TAF4B: variants seen among roughly 807,000 people sequenced by gnomAD.
TAF4B encodes transcription initiation factor TFIID subunit 4B.
TAF4B carries 38 observed loss-of-function variants against 86.4 expected under a neutral mutation model. The ratio of observed to expected loss-of-function variants is 0.44; its 90% CI spans 0.34 to 0.58. The LOEUF (loss-of-function observed/expected upper bound fraction) is 0.58, where lower values mean the gene tolerates loss of function less well. TAF4B is among the 20% of genes least tolerant of loss of function. The pLI, the probability that TAF4B is intolerant of heterozygous loss-of-function variation, is 0.02. For missense variants in TAF4B, 988 were observed against 1,027.6 expected (o/e 0.96, Z 0.53); for synonymous variants, 388 against 391.2 (o/e 0.99, Z 0.10).
chr18:26,351,597 C>CT (rs1352418563), intron 13 of TAF4B, among the ~76,000 whole-genome samples: 1 of 152,004 alleles, frequency 6.6e-6, no homozygotes, highest in Non-Finnish European at 1.5e-5. Context: ...TGCAACATCA[C>CT]TAAGTACCCA....
At chr18:26,267,645 T>A in intron 3 of TAF4B, 22 bp downstream of exon 3, 1 of 1,519,724 alleles carries the variant, frequency 6.6e-7, no homozygotes. Context: ...TGGCCATTCG[T>A]GCACTTGTTG....
rs770783086 is a variant in TAF4B at position 26,227,232 on chromosome 18, A to G, written c.299A>G (p.Asn100Ser). The change falls in exon 1 of 15, where the codon AAC (asparagine) becomes AGC (serine). Residue 100 changes from asparagine to serine, a missense_variant. Around this residue, in one of 3 missense-constraint regions of TAF4B, gnomAD observed 747 missense variants for 737.9 expected, o/e 1.01. Coordinates refer to ENST00000269142, the MANE Select transcript of TAF4B (RefSeq NM_005640.3). ...CAGATAGTCGCCGTGAAAGCCCCCAACACCACGACAATCCAGTTTCCTGCT... is the reference window on the plus strand; with the variant it reads ...CAGATAGTCGCCGTGAAAGCCCCCAGCACCACGACAATCCAGTTTCCTGCT... ...APQIVAVKAPNTTTIQFPANL... is the reference protein window; with the variant it reads ...APQIVAVKAPSTTTIQFPANL... The G allele has an allele frequency of 1.1e-5, 18 of 1,613,272 alleles. No individual in the cohort carries two copies. The highest frequency in any genetic ancestry group is 1.3e-5 in the African/African-American group (1 of 74,750).
intron 14 of TAF4B, among the ~76,000 whole-genome samples, chr18:26,377,335 G>A (rs1164238366): frequency 1.3e-5 from 2 of 152,114 alleles, no homozygotes; most frequent in Non-Finnish European, 2.9e-5. Flanking sequence ...TATTGATTAC[G>A]ATTCAATCTC....
At chr18:26,355,692 C>G (rs559277247) in intron 13 of TAF4B, among the ~76,000 whole-genome samples, 1 of 152,122 alleles carries the variant, frequency 6.6e-6, no homozygotes, top group South Asian at 2.1e-4. Flanking sequence ...GTTTAAAAAC[C>G]TTTTATTTGG....
chr18:26,278,616 GT>G (rs57064009), intron 5 of TAF4B, among the ~76,000 whole-genome samples: 128,925 of 140,476 alleles, frequency 0.92, 59,325 homozygotes, highest in East Asian at 0.98. Context: ...GCCTTCTGTT[GT>G]TTTTTTTTTT....
intron 14 of TAF4B, among the ~76,000 whole-genome samples, chr18:26,372,530 C>T (rs796847895): frequency 2.6e-5 from 4 of 152,178 alleles, no homozygotes; most frequent in African/African-American, 9.7e-5. Flanking sequence ...GCAAGGTTTG[C>T]ATTACACTCT....
chr18:26,240,543 G>C (rs1236727796), intron 1 of TAF4B, among the ~76,000 whole-genome samples: 1 of 152,298 alleles, frequency 6.6e-6, no homozygotes, highest in East Asian at 1.9e-4. Flanking sequence ...GGGACAATTT[G>C]ACTTCCTCTT....
chr18:26,367,171 G>A (rs1020316988), intron 14 of TAF4B, among the ~76,000 whole-genome samples: 3 of 152,194 alleles, frequency 2.0e-5, no homozygotes, highest in African/African-American at 4.8e-5. Flanking sequence ...ATATGTACAT[G>A]TATGTACAGG....
chr18:26,330,075 A>G (rs557085234), intron 12 of TAF4B, among the ~76,000 whole-genome samples: 3 of 152,298 alleles, frequency 2.0e-5, no homozygotes, highest in South Asian at 4.1e-4. Context: ...AGATGATACC[A>G]ATATCCAATT....
intron 13 of TAF4B, among the ~76,000 whole-genome samples, chr18:26,354,512 G>T (rs971286463): frequency 6.6e-6 from 1 of 152,192 alleles, no homozygotes; most frequent in African/African-American, 2.4e-5. Context: ...TATTCTAGCA[G>T]TCTTGAGTTT....
rs72151328 is a variant in TAF4B, at chr18:26,229,964, A to AAT, written c.343+2702_343+2703dup. On this transcript the variant is annotated intron_variant, in intron 1 of 14. Coordinates refer to ENST00000269142, the MANE Select transcript of TAF4B (RefSeq NM_005640.3). ...ATGAACAGAACTGGTTTAAAAAAAA[A>AAT]ATATATATATATATACACACACACA... Among the ~76,000 whole-genome samples, 738 of 149,554 alleles carry AAT rather than the reference A, an allele frequency of 4.9e-3. 2 individuals carry two copies. The highest frequency in any genetic ancestry group is 8.6e-3 in the Admixed American group (130 of 15,048).
chr18:26,314,255 A>G (rs148930871), intron 9 of TAF4B, among the ~76,000 whole-genome samples: 225 of 152,332 alleles, frequency 1.5e-3, no homozygotes, highest in African/African-American at 4.9e-3. Context: ...ATACATTGTC[A>G]TATAACACTG....
intron 14 of TAF4B, among the ~76,000 whole-genome samples, chr18:26,361,669 C>T (rs547890437): frequency 6.8e-5 from 10 of 146,120 alleles, no homozygotes; most frequent in South Asian, 2.2e-4. Flanking sequence ...CACTTGAACC[C>T]GGGAGGCGGA....
intron 14 of TAF4B, among the ~76,000 whole-genome samples, chr18:26,386,299 A>C (rs1277400798): frequency 6.6e-6 from 1 of 151,424 alleles, no homozygotes; most frequent in Non-Finnish European, 1.5e-5. Context: ...TACTCAGATG[A>C]TTAGGTCTCT....
intron 11 of TAF4B, among the ~76,000 whole-genome samples, chr18:26,324,622 C>G (rs1255474150): frequency 6.6e-6 from 1 of 152,192 alleles, no homozygotes; most frequent in Non-Finnish European, 1.5e-5. Flanking sequence ...GTATCTCCCC[C>G]ACCTAGAAGA....
intron 13 of TAF4B, among the ~76,000 whole-genome samples, chr18:26,351,650 T>C (rs2057246996): frequency 1.3e-5 from 2 of 152,088 alleles, no homozygotes; most frequent in South Asian, 2.1e-4. Context: ...AAAATTAATA[T>C]TCAATAATCA....
intron 13 of TAF4B, among the ~76,000 whole-genome samples, chr18:26,347,181 A>G (rs2057206343): frequency 6.6e-6 from 1 of 151,620 alleles, no homozygotes; most frequent in Non-Finnish European, 1.5e-5. Flanking sequence ...CGGCCTCCCA[A>G]AGTGCTGGGA....
chr18:26,258,371 T>C (rs1252989788), intron 1 of TAF4B, among the ~76,000 whole-genome samples: 1 of 152,234 alleles, frequency 6.6e-6, no homozygotes, highest in East Asian at 1.9e-4. Context: ...TGAGCTACCA[T>C]CTGAAGTACC....
At chr18:26,313,626 C>G (rs1444699358) in intron 9 of TAF4B, among the ~76,000 whole-genome samples, 1 of 150,842 alleles carries the variant, frequency 6.6e-6, no homozygotes, top group Non-Finnish European at 1.5e-5. Flanking sequence ...TGTTACTTCT[C>G]TTCATTTTTT....
Sources: gnomAD v4.1 joint callset for allele counts (sites outside exome capture counted in the v4.1 genomes callset) on GRCh38, gnomAD v4.1.1 for gene constraint, gnomAD v4.1.1 regional missense constraint, MANE v1.5 for transcripts, NCBI Gene and HGNC (gene_info 2026-07-23, HGNC 2026-07-21) for gene names.